NUDCD3: variants seen among roughly 807,000 people sequenced by gnomAD.
NUDCD3 encodes the protein NudC domain containing 3.
A neutral mutation model predicts 39.7 loss-of-function variants in NUDCD3; 13 were observed. That is an observed-to-expected ratio of 0.33 (90% confidence interval 0.21 to 0.52). The LOEUF is 0.52. NUDCD3 is among the 20% of genes least tolerant of loss of function. The pLI, the probability that NUDCD3 is intolerant of heterozygous loss-of-function variation, is 0.96. For missense variants in NUDCD3, 453 were observed against 458.1 expected (o/e 0.99, Z 0.10); for synonymous variants, 175 against 172.4 (o/e 1.02, Z -0.12).
At chr7:44,386,703 G>A (rs1422244581) in intron 5 of NUDCD3, among the ~76,000 whole-genome samples, 4 of 152,226 alleles carry the variant, frequency 2.6e-5, no homozygotes, top group Non-Finnish European at 5.9e-5. Context: ...CCGTCAGTCA[G>A]GAATTCCCCA....
At chr7:44,435,020 T>A (rs1799438488) in intron 2 of NUDCD3, among the ~76,000 whole-genome samples, 1 of 152,240 alleles carries the variant, frequency 6.6e-6, no homozygotes, top group African/African-American at 2.4e-5. Context: ...TTTATGACTA[T>A]GGGATGATTC....
chr7:44,399,315 C>A (rs1351994284), intron 4 of NUDCD3, among the ~76,000 whole-genome samples: 4 of 152,244 alleles, frequency 2.6e-5, no homozygotes, highest in Non-Finnish European at 4.4e-5. Context: ...CCCTGAAAAA[C>A]GCTGAGGGCT....
At chr7:44,438,828 C>G (rs1324892640) in intron 2 of NUDCD3, among the ~76,000 whole-genome samples, 1 of 152,198 alleles carries the variant, frequency 6.6e-6, no homozygotes, top group East Asian at 1.9e-4. Context: ...TTTTGTGAAA[C>G]TGCCACTATG....
chr7:44,392,545 G>C, intron 4 of NUDCD3, 60 bp from the exon 5 acceptor site: 6 of 1,494,934 alleles, frequency 4.0e-6, no homozygotes, highest in Non-Finnish European at 5.5e-6. Context: ...CCAGGGCTGG[G>C]GACAGAGCAG....
chr7:44,456,055 A>AAAAAC (rs1563182608), intron 2 of NUDCD3, among the ~76,000 whole-genome samples: 1 of 120,314 alleles, frequency 8.3e-6, no homozygotes, highest in African/African-American at 2.6e-5. Flanking sequence ...AAAAAACAAA[A>AAAAAC]AAACAAACAA....
At chr7:44,479,983 GA>G (rs972999757) in intron 2 of NUDCD3, among the ~76,000 whole-genome samples, 14 of 152,204 alleles carry the variant, frequency 9.2e-5, no homozygotes, top group African/African-American at 3.4e-4. Flanking sequence ...CTGAAGCTGA[GA>G]ATGTTCCAGT....
At chr7:44,427,787 C>T (rs1799267276) in intron 2 of NUDCD3, 84 bp from the exon 3 acceptor site, 1 of 1,435,026 alleles carries the variant, frequency 7.0e-7, no homozygotes, top group South Asian at 1.3e-5. Context: ...GCCACTCCTA[C>T]ATCCTGGAGA....
intron 2 of NUDCD3, among the ~76,000 whole-genome samples, chr7:44,456,227 G>GA (rs749064332): frequency 4.9e-4 from 72 of 148,278 alleles, no homozygotes; most frequent in Middle Eastern, 3.5e-3. Flanking sequence ...CAGGATATAG[G>GA]AAAAAAAAAA....
Position 44,482,632 on chromosome 7 carries a change from G to A in NUDCD3, c.509+2336C>T, listed in dbSNP as rs1800515085. ...TGATCAGCAAATAAATTAATTGCCT[G>A]CAAGAACAAAACTCAACACTCAACA... On this transcript the variant is annotated intron_variant, in intron 2 of 5. Coordinates refer to ENST00000355451, the MANE Select transcript of NUDCD3 (RefSeq NM_015332.4). Among the ~76,000 whole-genome samples the A allele has an allele frequency of 2.6e-5, 4 of 152,106 alleles. No homozygotes were observed. The South Asian group carries it at 8.3e-4, about 32-fold the overall frequency.
intron 2 of NUDCD3, among the ~76,000 whole-genome samples, chr7:44,430,722 G>A (rs1376207195): frequency 6.6e-6 from 1 of 152,114 alleles, no homozygotes; most frequent in Admixed American, 6.6e-5. Flanking sequence ...AATGCCGGGG[G>A]ATATCCTTGG....
At chr7:44,407,497 A>G (rs1273091991) in intron 3 of NUDCD3, among the ~76,000 whole-genome samples, 1 of 149,786 alleles carries the variant, frequency 6.7e-6, no homozygotes, top group African/African-American at 2.5e-5. Context: ...CCTGGGAGGC[A>G]GAGGTTGCGG....
intron 1 of NUDCD3, among the ~76,000 whole-genome samples, chr7:44,488,714 C>G (rs1438065674): frequency 6.6e-6 from 1 of 152,170 alleles, no homozygotes; most frequent in African/African-American, 2.4e-5. Context: ...CAAGTTGAAA[C>G]CTTGGATCAT....
chr7:44,467,231 C>A (rs1800137688), intron 2 of NUDCD3, among the ~76,000 whole-genome samples: 1 of 152,172 alleles, frequency 6.6e-6, no homozygotes, highest in African/African-American at 2.4e-5. Context: ...AGAGTCCCTT[C>A]CAATGGTCCT....
intron 2 of NUDCD3, among the ~76,000 whole-genome samples, chr7:44,441,673 C>A (rs377714696): frequency 1.3e-5 from 2 of 152,180 alleles, no homozygotes; most frequent in African/African-American, 4.8e-5. Context: ...ACATCAGAGC[C>A]GGCCCCACCT....
intron 3 of NUDCD3, among the ~76,000 whole-genome samples, chr7:44,426,795 CAAAAA>C (rs777817601): frequency 1.8e-5 from 1 of 54,754 alleles, no homozygotes; most frequent in Non-Finnish European, 3.7e-5. Context: ...GACTCCGTCT[CAAAAA>C]AAAAAAAAAA....
At chr7:44,414,017 AG>A (rs1798976453) in intron 3 of NUDCD3, among the ~76,000 whole-genome samples, 1 of 152,060 alleles carries the variant, frequency 6.6e-6, no homozygotes, top group African/African-American at 2.4e-5. Flanking sequence ...GATGGGTAAC[AG>A]AACAAAACCC....
intron 2 of NUDCD3, chr7:44,484,501 C>G (rs992851869): frequency 6.4e-6 from 1 of 155,852 alleles, no homozygotes; most frequent in Non-Finnish European, 1.4e-5. Context: ...GGTTATACTG[C>G]TTGTTCAAGG....
At chr7:44,435,837 C>T (rs1459984833) in intron 2 of NUDCD3, among the ~76,000 whole-genome samples, 1 of 152,180 alleles carries the variant, frequency 6.6e-6, no homozygotes, top group Non-Finnish European at 1.5e-5. Context: ...GTACCCCTGC[C>T]CCCAACACAG....
chr7:44,428,758 T>C (rs768001191), intron 2 of NUDCD3, among the ~76,000 whole-genome samples: 1 of 152,248 alleles, frequency 6.6e-6, no homozygotes, highest in Non-Finnish European at 1.5e-5. Flanking sequence ...ATAAACATTA[T>C]GTAAGTTTAG....
Sources: allele counts gnomAD v4.1 joint callset (sites outside exome capture counted in the v4.1 genomes callset), GRCh38; gene constraint gnomAD v4.1.1; transcripts MANE v1.5; gene names NCBI Gene and HGNC (gene_info 2026-07-23, HGNC 2026-07-21).